The following SKAP2 variants were observed in gnomAD, a reference collection of about 807,000 sequenced individuals.
SKAP2 encodes src kinase-associated phosphoprotein 2.
Under a neutral mutation model 54.9 loss-of-function variants are expected in SKAP2, and 28 were observed. The ratio of observed to expected loss-of-function variants is 0.51; its 90% confidence interval spans 0.38 to 0.70. The LOEUF (loss-of-function observed/expected upper bound fraction) is 0.70. Among genes scored for constraint, SKAP2 ranks in the 30% least tolerant of loss-of-function variants. The pLI, the probability that SKAP2 is intolerant of heterozygous loss-of-function variation, is 0.00. For missense variants in SKAP2, 356 were observed against 424.1 expected (o/e 0.84, Z 1.41); for synonymous variants, 137 against 134.3 (o/e 1.02, Z -0.14).
chr7:26,698,650 C>T (rs554915909), intron 9 of SKAP2, among the ~76,000 whole-genome samples: 6 of 152,270 alleles, frequency 3.9e-5, no homozygotes, highest in Middle Eastern at 3.4e-3. Context: ...CCACCAGATG[C>T]GTAAGAATCT....
the SKAP2 span, among the ~76,000 whole-genome samples, chr7:26,659,580 T>C: frequency 1.1e-4 from 16 of 152,298 alleles, no homozygotes; most frequent in African/African-American, 3.6e-4. Context: ...AGTCTGGACA[T>C]TGTGGCTAAA....
intron 4 of SKAP2, among the ~76,000 whole-genome samples, chr7:26,769,224 CT>C (rs1202381610): frequency 3.9e-5 from 6 of 152,156 alleles, no homozygotes; most frequent in African/African-American, 1.2e-4. Context: ...CTCTGATATA[CT>C]TTCTTCTGCT....
chr7:26,731,899 T>G (rs1439938266), intron 6 of SKAP2, among the ~76,000 whole-genome samples: 1 of 152,208 alleles, frequency 6.6e-6, no homozygotes, highest in African/African-American at 2.4e-5. Context: ...AATATACTTG[T>G]TTTTTCTCTT....
At chr7:26,846,443 G>A in intron 3 of SKAP2, among the ~76,000 whole-genome samples, 1 of 152,010 alleles carries the variant, frequency 6.6e-6, no homozygotes, top group African/African-American at 2.4e-5. Flanking sequence ...ATATATATAT[G>A]TGTATATATG....
chr7:26,717,541 A>G (rs1051085855), intron 9 of SKAP2, among the ~76,000 whole-genome samples: 1 of 136,830 alleles, frequency 7.3e-6, no homozygotes, highest in Non-Finnish European at 1.6e-5. Context: ...AAAAAAAAAA[A>G]AGGGCCAGAT....
At chr7:26,812,258 T>A (rs1274939061) in intron 4 of SKAP2, among the ~76,000 whole-genome samples, 1 of 152,190 alleles carries the variant, frequency 6.6e-6, no homozygotes, top group Non-Finnish European at 1.5e-5. Flanking sequence ...ATATTATGCA[T>A]ACTGATATAT....
At chr7:26,767,924 G>C (rs1047179321) in intron 4 of SKAP2, among the ~76,000 whole-genome samples, 3 of 152,172 alleles carry the variant, frequency 2.0e-5, no homozygotes, top group African/African-American at 7.2e-5. Context: ...GTGCTGAGAA[G>C]AATGTATATT....
intron 6 of SKAP2, among the ~76,000 whole-genome samples, chr7:26,731,410 C>T (rs974115653): frequency 4.6e-5 from 7 of 152,132 alleles, no homozygotes; most frequent in Non-Finnish European, 7.3e-5. Flanking sequence ...TTTATGGGTT[C>T]CTCTACCTCT....
intron 9 of SKAP2, among the ~76,000 whole-genome samples, chr7:26,694,217 TATTCC>T (rs1307876254): frequency 6.6e-6 from 1 of 152,184 alleles, no homozygotes; most frequent in African/African-American, 2.4e-5. Flanking sequence ...TGAGTTAATA[TATTCC>T]ATTCAACATT....
chr7:26,809,997 A>G (rs1784108772), intron 4 of SKAP2, among the ~76,000 whole-genome samples: 2 of 152,234 alleles, frequency 1.3e-5, no homozygotes, highest in South Asian at 2.1e-4. Context: ...TAAAAAAGCC[A>G]GGCACAGTAA....
intron 9 of SKAP2, among the ~76,000 whole-genome samples, chr7:26,715,654 C>A (rs1257670918): frequency 6.6e-6 from 1 of 152,032 alleles, no homozygotes; most frequent in African/African-American, 2.4e-5. Flanking sequence ...TGGTGCACAC[C>A]TATAATCCCA....
rs891737375 is a variant in SKAP2 at position 26,849,272 on chromosome 7, T to A, written c.199+4865A>T. On this transcript the variant is annotated intron_variant, in intron 3 of 12. Coordinates refer to ENST00000345317, the MANE Select transcript of SKAP2 (RefSeq NM_003930.5). ...GTAAATCTATGCATATTTAACAATA[T>A]CAATAAAATATTAAGGCAAAATCTA... 3.3e-5 allele frequency among the ~76,000 whole-genome samples: 5 copies of A among 152,274 alleles called. No individual in the cohort carries two copies. The East Asian group carries it at 9.6e-4, about 29-fold the overall frequency.
chr7:26,841,832 G>A (rs1784823333), intron 4 of SKAP2, among the ~76,000 whole-genome samples: 1 of 151,982 alleles, frequency 6.6e-6, no homozygotes, highest in Admixed American at 6.6e-5. Context: ...CTTTCTTAGT[G>A]CCTTCCATAA....
At chr7:26,688,752 T>A (rs1786706281) in intron 10 of SKAP2, among the ~76,000 whole-genome samples, 1 of 152,150 alleles carries the variant, frequency 6.6e-6, no homozygotes, top group Non-Finnish European at 1.5e-5. Context: ...TTGGGAGATG[T>A]TTACTTTAAA....
chr7:26,766,783 T>C (rs1011130386), intron 4 of SKAP2, among the ~76,000 whole-genome samples: 1 of 152,232 alleles, frequency 6.6e-6, no homozygotes, highest in African/African-American at 2.4e-5. Flanking sequence ...TTGATTTGCA[T>C]ATGTCAAACC....
At chr7:26,770,475 G>A (rs1159351127) in intron 4 of SKAP2, among the ~76,000 whole-genome samples, 2 of 152,040 alleles carry the variant, frequency 1.3e-5, no homozygotes, top group Admixed American at 6.6e-5. Context: ...GTTCTGTTTC[G>A]CTGGTGTTCC....
intron 9 of SKAP2, among the ~76,000 whole-genome samples, chr7:26,723,948 C>G (rs988615483): frequency 2.0e-5 from 3 of 152,002 alleles, no homozygotes; most frequent in African/African-American, 7.3e-5. Flanking sequence ...CAAAAACAAG[C>G]AGCCAGGGAA....
chr7:26,787,823 A>C (rs1050351052), intron 4 of SKAP2, among the ~76,000 whole-genome samples: 1 of 152,110 alleles, frequency 6.6e-6, no homozygotes, highest in Non-Finnish European at 1.5e-5. Context: ...AACACCTCCC[A>C]TCAGGCCCCA....
chr7:26,838,748 A>G (rs886577270), intron 4 of SKAP2, among the ~76,000 whole-genome samples: 6 of 152,216 alleles, frequency 3.9e-5, no homozygotes, highest in African/African-American at 1.4e-4. Context: ...ATCAGGAAGT[A>G]AAATCAATGA....
Sources: gnomAD v4.1 joint callset for allele counts (sites outside exome capture counted in the v4.1 genomes callset) on GRCh38, gnomAD v4.1.1 for gene constraint, MANE v1.5 for transcripts, NCBI Gene and HGNC (gene_info 2026-07-23, HGNC 2026-07-21) for gene names.